The following TIMP2 variants were observed in gnomAD, a reference collection of about 807,000 sequenced individuals.
TIMP2 encodes TIMP metallopeptidase inhibitor 2.
Under a neutral mutation model 24.3 loss-of-function variants are expected in TIMP2, and 5 were observed. The observed-to-expected ratio is 0.21, with a 90% CI of 0.11 to 0.43. The LOEUF is 0.43. TIMP2 is among the 20% of genes least tolerant of loss of function. The probability of loss-of-function intolerance (pLI) is 1.00; values close to 1 mark genes in which losing one functional copy is unlikely to be tolerated. For missense variants in TIMP2, 221 were observed against 297.5 expected (o/e 0.74, Z 1.89); for synonymous variants, 130 against 123.2 (o/e 1.06, Z -0.37).
chr17:78,861,559 G>A (rs1028766053), intron 3 of TIMP2, among the ~76,000 whole-genome samples: 1 of 151,906 alleles, frequency 6.6e-6, no homozygotes, highest in African/African-American at 2.4e-5. Flanking sequence ...TCCTCAGGAG[G>A]TAAGCAATGG....
intron 1 of TIMP2, chr17:78,897,813 G>C (rs2070027308): frequency 6.6e-6 from 1 of 152,218 alleles, no homozygotes; most frequent in South Asian, 2.1e-4. Context: ...CCCTTGGCTA[G>C]AGTCACTGCA....
chr17:78,875,629 C>T (rs544385036), intron 1 of TIMP2, among the ~76,000 whole-genome samples: 1 of 152,248 alleles, frequency 6.6e-6, no homozygotes, highest in Admixed American at 6.5e-5. Flanking sequence ...TCTTCAGGGT[C>T]ACTCTGGGTA....
In TIMP2 at chr17:78,870,818, G is replaced by A. The variant is rs550627073; in HGVS notation, c.340+80C>T. On this transcript the variant is annotated intron_variant, in intron 3 of 4. Coordinates refer to ENST00000262768, the MANE Select transcript of TIMP2 (RefSeq NM_003255.5). ...CTCCGCCTCCCCACCCCCCGAGCCT[G>A]GGAAACGAGCCCTGGACCGCGTCTA... 3,383 of 1,279,528 alleles carry A rather than the reference G, an allele frequency of 2.6e-3. 14 individuals are homozygous for A. Among genetic ancestry groups the A allele is most frequent in the Admixed American group, 4.4e-3 (237 of 54,210 alleles). 79.3% of individuals were successfully genotyped at this position (1,279,528 alleles called of 1,614,324 possible). A position where few individuals can be genotyped will look rare whatever the true frequency, so the allele number is the denominator to read the frequency against.
At chr17:78,862,834 T>C (rs1016527587) in intron 3 of TIMP2, among the ~76,000 whole-genome samples, 1 of 152,276 alleles carries the variant, frequency 6.6e-6, no homozygotes, top group Non-Finnish European at 1.5e-5. Flanking sequence ...GTTTTTGCAC[T>C]AGTTCCCTTA....
In TIMP2 at chr17:78,853,124, A is replaced by G. The variant is rs1050423682; in HGVS notation, c.*2543T>C. ...CGGAAGGTCTCAGACTTCATATTCC[A>G]GCATAAACACAGTGCTCCCCTCCCC... is the stretch of plus-strand genomic sequence containing the variant. On this transcript the variant is annotated 3_prime_UTR_variant, in exon 5 of 5. Transcript: ENST00000262768. The G allele has an allele frequency of 1.3e-5, 2 of 152,654 alleles. No individual in the cohort carries two copies. Among genetic ancestry groups the G allele is most frequent in the African/African-American group, 4.8e-5 (2 of 41,448 alleles). The allele number at this position is 152,654 out of a possible 1,614,324, so 9.5% of individuals were successfully genotyped here. A position where few individuals can be genotyped will look rare whatever the true frequency, so the allele number is the denominator to read the frequency against.
At chr17:78,871,269 T>C (rs1274263681) in intron 2 of TIMP2, among the ~76,000 whole-genome samples, 1 of 151,572 alleles carries the variant, frequency 6.6e-6, no homozygotes, top group African/African-American at 2.4e-5. Context: ...CTGGCCAACG[T>C]AGCAAAACCC....
At chr17:78,911,072 ACCGCATATACGAGTTC>A (rs1254003443) in intron 1 of TIMP2, among the ~76,000 whole-genome samples, 1 of 151,920 alleles carries the variant, frequency 6.6e-6, no homozygotes, top group East Asian at 1.9e-4. Flanking sequence ...ATTCCCACCC[ACCGCATATACGAGTTC>A]CCTTTTCTCC....
intron 1 of TIMP2, among the ~76,000 whole-genome samples, chr17:78,889,592 T>C (rs1056227456): frequency 7.2e-5 from 11 of 152,232 alleles, no homozygotes; most frequent in Non-Finnish European, 1.5e-4. Flanking sequence ...TGACCTTGGG[T>C]GCCCCTGAAA....
rs1012552778 is a variant in TIMP2, at chr17:78,920,371, T to C, written c.130+4588A>G. Reference sequence around the variant, plus strand: ...CTCTGCACCCCCAGAAGGGTGCAAATAGGGGAGGCCCGAGAGGCTCTGAGG... The same window carrying C: ...CTCTGCACCCCCAGAAGGGTGCAAACAGGGGAGGCCCGAGAGGCTCTGAGG... On this transcript the variant is annotated intron_variant, in intron 1 of 4. Transcript: ENST00000262768. The surrounding 1 kb of genome is among the most constrained non-coding windows in gnomAD (Gnocchi z 4.5). Among the ~76,000 whole-genome samples, 7 of 152,128 alleles carry C rather than the reference T, an allele frequency of 4.6e-5. No individual in the cohort carries two copies. The highest frequency in any genetic ancestry group is 7.2e-5 in the African/African-American group (3 of 41,426).
chr17:78,901,892 C>G, intron 1 of TIMP2: 1 of 645,258 alleles, frequency 1.5e-6, no homozygotes. Flanking sequence ...CTTGAAATCA[C>G]TGGGCTGACT....
intron 1 of TIMP2, chr17:78,897,110 GC>G (rs2070014486): frequency 4.0e-5 from 21 of 521,206 alleles, no homozygotes; most frequent in Non-Finnish European, 5.2e-5. Flanking sequence ...CCCGCCCCCC[GC>G]CGGCCTCCTC....
chr17:78,901,216 G>A (rs560818852), intron 1 of TIMP2: 23 of 154,408 alleles, frequency 1.5e-4, no homozygotes, highest in Admixed American at 2.5e-4. Context: ...ACGGGCAGAC[G>A]TGGAGCTAAA....
At chr17:78,909,390 C>A (rs4789858) in intron 1 of TIMP2, among the ~76,000 whole-genome samples, 3 of 151,196 alleles carry the variant, frequency 2.0e-5, no homozygotes, top group Admixed American at 2.0e-4. Flanking sequence ...AGGAGCCCAC[C>A]TGTCCCCAGA....
Position 78,894,878 on chromosome 17 carries a change from G to A in TIMP2, c.131-20959C>T, listed in dbSNP as rs74656884. 6.5e-3 allele frequency among the ~76,000 whole-genome samples: 983 copies of A among 152,160 alleles called. 11 individuals carry two copies. The highest frequency in any genetic ancestry group is 0.021 in the African/African-American group (881 of 41,512). On this transcript the variant is annotated intron_variant, in intron 1 of 4. Transcript: ENST00000262768. ...TAAGTAAAGTGAAAATACAAGGTAC[G>A]GACTGGAAGGAAATATTTGCAAATC...
At chr17:78,921,059 G>A (rs1416735255) in intron 1 of TIMP2, among the ~76,000 whole-genome samples, 2 of 152,122 alleles carry the variant, frequency 1.3e-5, no homozygotes, top group East Asian at 1.9e-4. Context: ...AAAGCGCCAC[G>A]CCGCCCCCTC....
At chr17:78,882,056 C>G (rs1280396035) in intron 1 of TIMP2, among the ~76,000 whole-genome samples, 2 of 152,210 alleles carry the variant, frequency 1.3e-5, no homozygotes, top group Non-Finnish European at 2.9e-5. Context: ...CCTCGGCCTC[C>G]TGGGTTCAAG....
rs1398118946 is a variant in TIMP2 at position 78,893,107 on chromosome 17, GTGCACA to G, written c.131-19194_131-19189del. Among the ~76,000 whole-genome samples the G allele has an allele frequency of 6.6e-5, 10 of 151,720 alleles. No individual in the cohort carries two copies. In the East Asian group the frequency reaches 1.6e-3, roughly 24 times the overall value. ...CGTGTGCAGGGGTGTGTGTGGGTGT[GTGCACA>G]TGCACATGTGTGTGCAGGGGTGTGT... On this transcript the variant is annotated intron_variant, in intron 1 of 4. Coordinates refer to ENST00000262768, the MANE Select transcript of TIMP2 (RefSeq NM_003255.5).
chr17:78,874,083 C>T (rs896943094), intron 1 of TIMP2, 164 bp from the exon 2 acceptor site: 9 of 564,076 alleles, frequency 1.6e-5, no homozygotes, highest in African/African-American at 1.1e-4. Flanking sequence ...CCCGGCATGG[C>T]GTCTCCTCCT....
In TIMP2 at chr17:78,857,658, C is replaced by G; in HGVS notation, c.341-12G>C. The G allele has an allele frequency of 6.2e-7, 1 of 1,613,924 alleles. No individual in the cohort carries two copies. The highest frequency in any genetic ancestry group is 1.7e-5 in the Admixed American group (1 of 60,010). ...CCCCTCGGCCTTTCCTGCGGAGAGA[C>G]GGGGATCACCGAGCTCAGGGAGAGG... On this transcript the variant is annotated splice_polypyrimidine_tract_variant and intron_variant, in intron 3 of 4. Coordinates refer to ENST00000262768, the MANE Select transcript of TIMP2 (RefSeq NM_003255.5).
Sources: allele counts gnomAD v4.1 joint callset (sites outside exome capture counted in the v4.1 genomes callset), GRCh38; gene constraint gnomAD v4.1.1; non-coding constraint Gnocchi (gnomAD v3.1); transcripts MANE v1.5; gene names NCBI Gene and HGNC (gene_info 2026-07-23, HGNC 2026-07-21).